The following GRM8 variants were observed in gnomAD, a reference collection of about 807,000 sequenced individuals.
The protein encoded by GRM8 is metabotropic glutamate receptor 8.
Under a neutral mutation model 87.2 loss-of-function variants are expected in GRM8, and 47 were observed. That is an observed-to-expected ratio of 0.54 (90% CI 0.43 to 0.69). The LOEUF (loss-of-function observed/expected upper bound fraction) is 0.69. GRM8 is among the 30% of genes least tolerant of loss of function. GRM8 has a pLI of 0.00. For missense variants in GRM8, 1,019 were observed against 1,139.2 expected (o/e 0.89, Z 1.52); for synonymous variants, 396 against 404.5 (o/e 0.98, Z 0.25).
At chr7:126,857,476 C>A (rs545901201) in intron 6 of GRM8, among the ~76,000 whole-genome samples, 130 of 152,220 alleles carry the variant, frequency 8.5e-4, no homozygotes, top group Middle Eastern at 3.4e-3. Context: ...CACTTCCATT[C>A]ATAAACAAAT....
intron 7 of GRM8, among the ~76,000 whole-genome samples, chr7:126,635,936 A>G (rs1801808005): frequency 6.6e-6 from 1 of 152,136 alleles, no homozygotes; most frequent in African/African-American, 2.4e-5. Context: ...CACCACTAAA[A>G]CCACAAACAT....
intron 3 of GRM8, among the ~76,000 whole-genome samples, chr7:126,926,536 T>C (rs962924928): frequency 6.6e-6 from 1 of 152,202 alleles, no homozygotes; most frequent in Non-Finnish European, 1.5e-5. Flanking sequence ...AGTTCAATAG[T>C]TGACATACTG....
intron 7 of GRM8, among the ~76,000 whole-genome samples, chr7:126,646,311 GAAGGAAGGAAGA>G (rs1159826741): frequency 2.0e-5 from 3 of 150,618 alleles, no homozygotes; most frequent in Non-Finnish European, 4.4e-5. Flanking sequence ...AGGAAAGAAG[GAAGGAAGGAAGA>G]AAGGAAGGAA....
chr7:127,143,533 C>CTTTA lies in GRM8; in HGVS notation c.511-36825_511-36822dup, dbSNP rs1364231576. Among the ~76,000 whole-genome samples, 18 of 152,184 alleles carry CTTTA rather than the reference C, an allele frequency of 1.2e-4. No homozygotes were observed. The East Asian group carries it at 3.5e-3, about 29-fold the overall frequency. On this transcript the variant is annotated intron_variant, in intron 2 of 10. Coordinates refer to ENST00000339582, the MANE Select transcript of GRM8 (RefSeq NM_000845.3). Reference sequence around the variant, plus strand: ...CATCATTGCAGGCTATGTGCTTTACCTTTAATCTTCATGACGACCCTGTGA... The same window carrying CTTTA: ...CATCATTGCAGGCTATGTGCTTTACCTTTATTTAATCTTCATGACGACCCTGTGA...
chr7:126,676,487 A>G (rs1391560538), intron 7 of GRM8, among the ~76,000 whole-genome samples: 1 of 152,218 alleles, frequency 6.6e-6, no homozygotes, highest in Admixed American at 6.5e-5. Flanking sequence ...CTACAAGGCT[A>G]TAGTAACCAA....
At chr7:127,033,731 T>C (rs1254007440) in intron 3 of GRM8, among the ~76,000 whole-genome samples, 1 of 152,136 alleles carries the variant, frequency 6.6e-6, no homozygotes, top group Non-Finnish European at 1.5e-5. Context: ...GAAGGGACTT[T>C]CCTAAGTATT....
At chr7:126,775,479 G>GTTTTTTTTTTTTTTTTTTTT (rs372733476) in intron 6 of GRM8, among the ~76,000 whole-genome samples, 1 of 104,758 alleles carries the variant, frequency 9.5e-6, no homozygotes, top group African/African-American at 4.3e-5. Flanking sequence ...TGACAAATAG[G>GTTTTTTTTTTTTTTTTTTTT]TTTTTTTTTT....
At chr7:126,650,295 C>A (rs1585370576) in intron 7 of GRM8, among the ~76,000 whole-genome samples, 2 of 152,266 alleles carry the variant, frequency 1.3e-5, no homozygotes, top group South Asian at 2.1e-4. Flanking sequence ...CTTCTCTCAC[C>A]CAGCCTGCAC....
intron 9 of GRM8, among the ~76,000 whole-genome samples, chr7:126,463,291 T>G (rs1047050565): frequency 6.6e-6 from 1 of 151,608 alleles, no homozygotes; most frequent in South Asian, 2.1e-4. Context: ...AATAAAATTG[T>G]ATACTCAGTG....
At chr7:126,508,530 G>A (rs1810845027) in intron 9 of GRM8, among the ~76,000 whole-genome samples, 1 of 152,038 alleles carries the variant, frequency 6.6e-6, no homozygotes, top group African/African-American at 2.4e-5. Context: ...CATGAGTTTT[G>A]GAGGTGACAA....
Position 126,826,170 on chromosome 7 carries a change from A to G in GRM8, c.1157-56105T>C, listed in dbSNP as rs1282122458. Among the ~76,000 whole-genome samples the G allele has an allele frequency of 5.3e-5, 8 of 152,170 alleles. No homozygotes were observed. The East Asian group carries it at 1.4e-3, about 26-fold the overall frequency. ...AGTCTTTGCTATTGTGAATAGTGCC[A>G]CAATAAACATACGTGTGCATGTGTC... On this transcript the variant is annotated intron_variant, in intron 6 of 10. Coordinates refer to ENST00000339582, the MANE Select transcript of GRM8 (RefSeq NM_000845.3).
intron 7 of GRM8, among the ~76,000 whole-genome samples, chr7:126,625,100 A>C (rs1800544724): frequency 1.3e-5 from 2 of 152,246 alleles, no homozygotes; most frequent in African/African-American, 4.8e-5. Context: ...AATAAGTGAA[A>C]TCATATTAAG....
chr7:126,602,398 A>T (rs1262621424), intron 8 of GRM8, among the ~76,000 whole-genome samples: 1 of 120,066 alleles, frequency 8.3e-6, no homozygotes, highest in Non-Finnish European at 1.9e-5. Flanking sequence ...TTGGCTTAGG[A>T]TTGACTTGGC....
chr7:126,974,432 C>T (rs1030249651), intron 3 of GRM8, among the ~76,000 whole-genome samples: 2 of 151,240 alleles, frequency 1.3e-5, no homozygotes, highest in African/African-American at 4.8e-5. Context: ...ACATGTATCC[C>T]ATAACATCAC....
chr7:126,534,039 C>T (rs866879425), intron 8 of GRM8, 152 bp from the exon 9 acceptor site: 7 of 624,864 alleles, frequency 1.1e-5, no homozygotes, highest in African/African-American at 1.1e-4. Context: ...CTGATATTGA[C>T]TTTATGAAAG....
chr7:126,696,331 G>T (rs942689913), intron 7 of GRM8, among the ~76,000 whole-genome samples: 4 of 152,094 alleles, frequency 2.6e-5, no homozygotes, highest in Non-Finnish European at 5.9e-5. Flanking sequence ...CATCACCTAG[G>T]TATTAAGCCC....
intron 8 of GRM8, among the ~76,000 whole-genome samples, chr7:126,563,893 A>G (rs1433060263): frequency 6.6e-6 from 1 of 152,240 alleles, no homozygotes; most frequent in Non-Finnish European, 1.5e-5. Flanking sequence ...ACATTAACAG[A>G]GAAAGTGCTT....
intron 7 of GRM8, among the ~76,000 whole-genome samples, chr7:126,686,749 A>G (rs1808235828): frequency 6.6e-6 from 1 of 152,210 alleles, no homozygotes; most frequent in African/African-American, 2.4e-5. Flanking sequence ...GTGTAAGCCA[A>G]GTGCACCCTG....
At chr7:126,950,820 CA>C (rs1808062246) in intron 3 of GRM8, among the ~76,000 whole-genome samples, 1 of 152,022 alleles carries the variant, frequency 6.6e-6, no homozygotes, top group Non-Finnish European at 1.5e-5. Flanking sequence ...TTGTAAAAGT[CA>C]AAAACTTTTG....
Sources: allele counts gnomAD v4.1 joint callset (sites outside exome capture counted in the v4.1 genomes callset), GRCh38; gene constraint gnomAD v4.1.1; transcripts MANE v1.5; gene names NCBI Gene and HGNC (gene_info 2026-07-23, HGNC 2026-07-21).